GSN: variants seen among roughly 807,000 people sequenced by gnomAD.
GSN encodes the protein gelsolin.
Under a neutral mutation model 85.7 loss-of-function variants are expected in GSN, and 56 were observed. The ratio of observed to expected loss-of-function variants is 0.65; its 90% confidence interval spans 0.53 to 0.82. GSN has a LOEUF of 0.82. GSN is among the 40% of genes least tolerant of loss of function. The probability of loss-of-function intolerance (pLI) is 0.00; values close to 1 mark genes in which losing one functional copy is unlikely to be tolerated. For missense variants in GSN, 857 were observed against 979.8 expected (o/e 0.87, Z 1.67); for synonymous variants, 373 against 399.1 (o/e 0.93, Z 0.78).
chr9:121,326,398 CCA>C, intron 12 of GSN, 112 bp from the exon 13 acceptor site: 1 of 850,496 alleles, frequency 1.2e-6, no homozygotes, highest in Non-Finnish European at 1.9e-6. Flanking sequence ...ACATTCCATG[CCA>C]CACACAGACA....
chr9:121,310,404 G>C (rs569731460), intron 4 of GSN: 2 of 469,224 alleles, frequency 4.3e-6, no homozygotes, highest in South Asian at 2.1e-5. Flanking sequence ...GGATTCAAAG[G>C]GGTGGCAGAA....
chr9:121,319,241 C>T (rs1046148421), intron 10 of GSN, among the ~76,000 whole-genome samples: 22 of 152,150 alleles, frequency 1.4e-4, no homozygotes, highest in African/African-American at 5.3e-4. Flanking sequence ...GGTTGGGTCT[C>T]AGAGGAGGAG....
At chr9:121,282,639 AC>A in intron 2 of GSN, 2 of 593,884 alleles carry the variant, frequency 3.4e-6, no homozygotes, top group Non-Finnish European at 5.1e-6. Flanking sequence ...AAGCTGACTC[AC>A]CCCATCAGCG....
intron 13 of GSN, 88 bp downstream of exon 13, chr9:121,326,770 G>A (rs769199756): frequency 2.6e-6 from 3 of 1,153,688 alleles, no homozygotes; most frequent in East Asian, 4.7e-5. Flanking sequence ...CAGGAACGGG[G>A]GCAGGGGATG....
chr9:121,246,866 C>G (rs369937234), intron 5 of GSN, among the ~76,000 whole-genome samples: 3 of 152,156 alleles, frequency 2.0e-5, no homozygotes, highest in Admixed American at 1.3e-4. Context: ...GAGATTGTCC[C>G]GTCCAGTGGG....
At chr9:121,282,904 A>T in intron 2 of GSN, 1 of 211,350 alleles carries the variant, frequency 4.7e-6, no homozygotes, top group East Asian at 1.2e-4. Flanking sequence ...CAGCTGAGCA[A>T]CCGTCGCCTG....
At chr9:121,312,612 T>A in intron 6 of GSN, 124 bp downstream of exon 6, 4 of 749,784 alleles carry the variant, frequency 5.3e-6, no homozygotes, top group Non-Finnish European at 8.2e-6. Context: ...CCCACCTTTT[T>A]ATTTTTAAAA....
Position 121,299,085 on chromosome 9 carries a change from G to C in GSN, c.-9-2878G>C, listed in dbSNP as rs189712647. Among the ~76,000 whole-genome samples, 8 of 152,332 alleles carry C rather than the reference G, an allele frequency of 5.3e-5. No homozygotes were observed. Among genetic ancestry groups the C allele is most frequent in the African/African-American group, 1.9e-4 (8 of 41,568 alleles). On this transcript the variant is annotated intron_variant, in intron 2 of 17. Transcript: ENST00000432226. This position sits in a 1 kb window ranked among gnomAD's most constrained non-coding sequence, Gnocchi z 4.2. ...AGGTAGATAGCAGTGGTTGCCCCTG[G>C]GGAGAGGTAAATGTGATGGAGAGGG... is the stretch of plus-strand genomic sequence containing the variant.
chr9:121,278,290 T>C (rs933207965), intron 1 of GSN, among the ~76,000 whole-genome samples: 1 of 152,146 alleles, frequency 6.6e-6, no homozygotes, highest in Non-Finnish European at 1.5e-5. Context: ...AGTTTAACGC[T>C]TGGAAGGTGC....
intron 5 of GSN, chr9:121,238,711 G>A (rs1033776100): frequency 7.0e-5 from 27 of 386,364 alleles, no homozygotes; most frequent in African/African-American, 5.2e-4. Flanking sequence ...AGGAACAGTT[G>A]CCAACCAGTA....
At chr9:121,251,651 A>T (rs2054838679) in intron 6 of GSN, among the ~76,000 whole-genome samples, 1 of 152,006 alleles carries the variant, frequency 6.6e-6, no homozygotes, top group South Asian at 2.1e-4. Flanking sequence ...GGGTAGGTGA[A>T]TGGGTGTGGA....
chr9:121,301,949 C>T lies in GSN; in HGVS notation c.-9-14C>T. The T allele has an allele frequency of 6.2e-7, 1 of 1,614,110 alleles. No homozygotes were observed. Among genetic ancestry groups the T allele is most frequent in the Non-Finnish European group, 8.5e-7 (1 of 1,179,984 alleles). On this transcript the variant is annotated splice_polypyrimidine_tract_variant and intron_variant, in intron 2 of 17. Coordinates refer to ENST00000432226, the MANE Select transcript of GSN (RefSeq NM_198252.3). ...GACCCTGCCCCGCTTAGGCTCTGCC[C>T]TGTCTCATCCCAGCCCAACAGCATG...
At chr9:121,312,589 A>G in intron 6 of GSN, 101 bp downstream of exon 6, 1 of 905,924 alleles carries the variant, frequency 1.1e-6, no homozygotes, top group Non-Finnish European at 1.6e-6. Context: ...AAAAAAAAAA[A>G]CTTCCGCTCT....
At chr9:121,251,885 C>T (rs562582489) in intron 6 of GSN, among the ~76,000 whole-genome samples, 1 of 152,030 alleles carries the variant, frequency 6.6e-6, no homozygotes, top group African/African-American at 2.4e-5. Context: ...CACTTGAACC[C>T]GGGAGGCAGA....
At chr9:121,301,799 C>A in intron 2 of GSN, 164 bp from the exon 3 acceptor site, 1 of 1,061,938 alleles carries the variant, frequency 9.4e-7, no homozygotes, top group Non-Finnish European at 1.4e-6. Flanking sequence ...TTTGCTGACT[C>A]GTTGAGACAG....
intron 6 of GSN, among the ~76,000 whole-genome samples, chr9:121,250,445 T>C (rs2054798321): frequency 6.6e-6 from 1 of 151,842 alleles, no homozygotes; most frequent in African/African-American, 2.4e-5. Context: ...ACCTTGTGAT[T>C]TGCCCGCCTT....
intron 4 of GSN, among the ~76,000 whole-genome samples, chr9:121,217,365 CAA>C (rs34095254): frequency 2.2e-5 from 3 of 136,328 alleles, no homozygotes; most frequent in African/African-American, 5.7e-5. Flanking sequence ...AACTCCGTCT[CAA>C]AAAAAAAAAA....
At chr9:121,262,581 G>C (rs1253997442) in intron 6 of GSN, among the ~76,000 whole-genome samples, 3 of 152,192 alleles carry the variant, frequency 2.0e-5, no homozygotes, top group Non-Finnish European at 4.4e-5. Context: ...TCTAACCTGG[G>C]AGGCTGGCTA....
In GSN at chr9:121,332,266, G is replaced by A. The variant is rs768211739; in HGVS notation, c.2027-168G>A. Among the ~76,000 whole-genome samples the A allele has an allele frequency of 2.0e-5, 3 of 152,128 alleles. No homozygotes were observed. Among genetic ancestry groups the A allele is most frequent in the Non-Finnish European group, 4.4e-5 (3 of 68,016 alleles). ...GCAGGGTGGTGGAGAGCCCACGTGG[G>A]TATCATGCCTTTAAAGGAGGATGGT... On this transcript the variant is annotated intron_variant, in intron 17 of 17. Transcript: ENST00000432226. The surrounding 1 kb of genome is among the most constrained non-coding windows in gnomAD (Gnocchi z 4.8).
Sources: gnomAD v4.1 joint callset for allele counts (sites outside exome capture counted in the v4.1 genomes callset) on GRCh38, gnomAD v4.1.1 for gene constraint, Gnocchi (gnomAD v3.1) non-coding constraint, MANE v1.5 for transcripts, NCBI Gene and HGNC (gene_info 2026-07-23, HGNC 2026-07-21) for gene names.